The following G3BP1 variants were observed in gnomAD, a reference collection of about 807,000 sequenced individuals.
G3BP1 encodes the protein ras GTPase-activating protein-binding protein 1.
G3BP1 carries 35 observed loss-of-function variants against 58.6 expected under a neutral mutation model. The observed-to-expected ratio is 0.60, with a 90% CI of 0.46 to 0.79. The LOEUF is 0.79. Among genes scored for constraint, G3BP1 ranks in the 30% least tolerant of loss-of-function variants. The probability of loss-of-function intolerance (pLI) is 0.00; values close to 1 mark genes in which losing one functional copy is unlikely to be tolerated. For synonymous variants in G3BP1, 191 were observed against 195.4 expected, an observed-to-expected ratio of 0.98 and a Z score of 0.19; for missense variants, 523 against 580.8, an observed-to-expected ratio of 0.90 and a Z score of 1.02.
At chr5:151,787,837 CAATTCA>C in intron 2 of G3BP1, 1 of 78,522 alleles carries the variant, frequency 1.3e-5, no homozygotes, top group Non-Finnish European at 2.6e-5. Flanking sequence ...TGAATATTTT[CAATTCA>C]TAAAATAAAA....
At position 151,804,016 on chromosome 5, in the gene G3BP1, G is replaced by A. The variant is rs1316281058; in HGVS notation, c.1326G>A (p.Met442Ile). 12 of 1,613,540 alleles carry A rather than the reference G, an allele frequency of 7.4e-6. No homozygotes were observed. The South Asian group carries it at 1.3e-4, about 18-fold the overall frequency. Residue 442 changes from methionine to isoleucine, a missense_variant, in exon 12 of 12, where the codon ATG becomes ATA. Coordinates refer to ENST00000356245, the MANE Select transcript of G3BP1 (RefSeq NM_005754.3). ...GGPRGGLGGG[M>I]RGPPRGGMVQ... ...CTCGAGGTGGGCTGGGTGGTGGAATGAGAGGCCCTCCCCGTGGAGGCATGG... is the reference window on the plus strand; with the variant it reads ...CTCGAGGTGGGCTGGGTGGTGGAATAAGAGGCCCTCCCCGTGGAGGCATGG...
At position 151,805,407 on chromosome 5, in the gene G3BP1, T is replaced by C. The variant is rs1383626506; in HGVS notation, c.*1316T>C. On this transcript the variant is annotated 3_prime_UTR_variant, in exon 12 of 12. Transcript: ENST00000356245. ...CACATATGTGTTATTTGTTGAGTGC[T>C]GTGTGTGAGATGGGTGAAGGTTTTG... is the stretch of plus-strand genomic sequence containing the variant. The C allele has an allele frequency of 1.3e-5, 2 of 152,642 alleles. No homozygotes were observed. The highest frequency in any genetic ancestry group is 2.9e-5 in the Non-Finnish European group (2 of 68,040). 9.5% of individuals were successfully genotyped at this position (152,642 alleles called of 1,614,324 possible).
intron 4 of G3BP1, chr5:151,792,330 A>G (rs1762673534): frequency 4.1e-6 from 1 of 243,580 alleles, no homozygotes; most frequent in Non-Finnish European, 8.3e-6. Context: ...AAACGCCTAA[A>G]ATCTTTTAAC....
At chr5:151,783,377 C>CT (rs113829709) in intron 1 of G3BP1, among the ~76,000 whole-genome samples, 295 of 149,526 alleles carry the variant, frequency 2.0e-3, no homozygotes, top group Middle Eastern at 0.01. Context: ...CATTTTCTTT[C>CT]TTTTTTTTTG....
chr5:151,801,082 A>G (rs1188159450), intron 11 of G3BP1, among the ~76,000 whole-genome samples: 1 of 152,158 alleles, frequency 6.6e-6, no homozygotes, highest in African/African-American at 2.4e-5. Context: ...TTTTGAAAAC[A>G]TGAATTATGA....
At chr5:151,772,954 A>G (rs1762299531) in intron 1 of G3BP1, among the ~76,000 whole-genome samples, 1 of 152,224 alleles carries the variant, frequency 6.6e-6, no homozygotes, top group Non-Finnish European at 1.5e-5. Context: ...TGACAAAGGA[A>G]AAGGGTTTGG....
At chr5:151,777,911 A>G (rs1009597785) in intron 1 of G3BP1, among the ~76,000 whole-genome samples, 24 of 147,892 alleles carry the variant, frequency 1.6e-4, no homozygotes, top group Middle Eastern at 3.4e-3. Flanking sequence ...ATTTTTTTGT[A>G]AATACATTAT....
chr5:151,811,355 A>G lies in G3BP1; in HGVS notation c.*7264A>G, dbSNP rs1001406282. 6.6e-6 allele frequency: 1 copy of G among 152,216 alleles called. No homozygotes were observed. The highest frequency in any genetic ancestry group is 2.4e-5 in the African/African-American group (1 of 41,452). 9.4% of individuals were successfully genotyped at this position (152,216 alleles called of 1,614,324 possible). A position where few individuals can be genotyped will look rare whatever the true frequency, so the allele number is the denominator to read the frequency against. On this transcript the variant is annotated 3_prime_UTR_variant, in exon 12 of 12. Transcript: ENST00000356245. Reference sequence around the variant, plus strand: ...TCAATAAATACTTCTTGAATGAACAAATGAATTCTCATTTCTCGACATAAA... The same window carrying G: ...TCAATAAATACTTCTTGAATGAACAGATGAATTCTCATTTCTCGACATAAA...
In G3BP1 at chr5:151,808,626, C is replaced by T. The variant is rs1425429829; in HGVS notation, c.*4535C>T. 2.0e-5 allele frequency: 3 copies of T among 152,190 alleles called. No homozygotes were observed. Among genetic ancestry groups the T allele is most frequent in the Non-Finnish European group, 4.4e-5 (3 of 68,038 alleles). The allele number at this position is 152,190 out of a possible 1,614,324, so 9.4% of individuals were successfully genotyped here. A position where few individuals can be genotyped will look rare whatever the true frequency, so the allele number is the denominator to read the frequency against. ...ATAAATCATGTGACTTGGCCAATTA[C>T]AGAAATTCCTAAGTGTAGTATTTTG... On this transcript the variant is annotated 3_prime_UTR_variant, in exon 12 of 12. Transcript: ENST00000356245.
rs78692209 is a variant in G3BP1 at position 151,796,626 on chromosome 5, A to G, written c.540-601A>G. Among the ~76,000 whole-genome samples, 1,244 of 152,326 alleles carry G rather than the reference A, an allele frequency of 8.2e-3. 19 individuals are homozygous for G. The highest frequency in any genetic ancestry group is 0.028 in the African/African-American group (1,172 of 41,574). ...AATTTTAAGAATTGTATTCTGAATCATAACTATTTTCTCCCCCAAATTCCT... is the reference window on the plus strand; with the variant it reads ...AATTTTAAGAATTGTATTCTGAATCGTAACTATTTTCTCCCCCAAATTCCT... On this transcript the variant is annotated intron_variant, in intron 6 of 11. Transcript: ENST00000356245.
At chr5:151,790,553 ATATAT>A in intron 3 of G3BP1, 149 bp downstream of exon 3, 1 of 504,958 alleles carries the variant, frequency 2.0e-6, no homozygotes, top group Non-Finnish European at 3.5e-6. Context: ...TATTTGATTA[ATATAT>A]TTGTTGAAAT....
intron 1 of G3BP1, among the ~76,000 whole-genome samples, chr5:151,786,056 G>A (rs1368655792): frequency 1.3e-5 from 2 of 152,244 alleles, no homozygotes; most frequent in East Asian, 3.8e-4. Flanking sequence ...CACTTTGGGA[G>A]GCTGAGGCGG....
chr5:151,783,239 A>C (rs912417789), intron 1 of G3BP1, among the ~76,000 whole-genome samples: 2 of 152,158 alleles, frequency 1.3e-5, no homozygotes, highest in African/African-American at 2.4e-5. Flanking sequence ...ATTCTTTCTC[A>C]AGAGGTATTA....
At chr5:151,786,785 C>T in intron 2 of G3BP1, 70 bp downstream of exon 2, 1 of 912,562 alleles carries the variant, frequency 1.1e-6, no homozygotes. Flanking sequence ...TGAGATTCTC[C>T]CACTCATCAT....
rs762726196 is a variant in G3BP1, at chr5:151,800,856, T to C, written c.1181T>C (p.Val394Ala). The C allele has an allele frequency of 6.3e-7, 1 of 1,578,826 alleles. No individual in the cohort carries two copies. Residue 394 changes from valine (V) to alanine (A), a missense_variant, in exon 11 of 12, where the codon GTC (valine) becomes GCC (alanine). Val to Ala is a moderately conservative substitution (Grantham distance 64, BLOSUM62 0). Coordinates refer to ENST00000356245, the MANE Select transcript of G3BP1 (RefSeq NM_005754.3). ...VFDDSEPVQK[V>A]LSNRPIMFRG... ...GATGATTCTGAGCCTGTTCAGAAAG[T>C]CCTTAGCAACAGGGTAAGCAGCTTT... is the stretch of plus-strand genomic sequence containing the variant.
chr5:151,788,572 A>ATGTG (rs10634385), intron 2 of G3BP1, among the ~76,000 whole-genome samples: 33,436 of 132,458 alleles, frequency 0.25, 4,551 homozygotes, highest in Admixed American at 0.31. Flanking sequence ...CTAAGTTTAT[A>ATGTG]TGTGTGTGTG....
intron 7 of G3BP1, among the ~76,000 whole-genome samples, chr5:151,798,249 C>T (rs1035065426): frequency 3.9e-5 from 6 of 152,108 alleles, no homozygotes; most frequent in African/African-American, 9.7e-5. Flanking sequence ...GCTTGGGAGG[C>T]TGAGGTAGGA....
rs1762950528 is a variant in G3BP1 at position 151,807,296 on chromosome 5, C to T, written c.*3205C>T. Reference sequence around the variant, plus strand: ...ACAGTTAAATGACAGGCTTCCAAGTCATCCATGTAGCAAGGAGCACATTTG... The same window carrying T: ...ACAGTTAAATGACAGGCTTCCAAGTTATCCATGTAGCAAGGAGCACATTTG... On this transcript the variant is annotated 3_prime_UTR_variant, in exon 12 of 12. Transcript: ENST00000356245. 6.6e-6 allele frequency: 1 copy of T among 152,192 alleles called. No individual in the cohort carries two copies. Among genetic ancestry groups the T allele is most frequent in the Non-Finnish European group, 1.5e-5 (1 of 68,036 alleles). The allele number at this position is 152,192 out of a possible 1,614,324, so 9.4% of individuals were successfully genotyped here.
chr5:151,795,606 T>C, intron 6 of G3BP1, 31 bp downstream of exon 6: 1 of 1,099,352 alleles, frequency 9.1e-7, no homozygotes, highest in South Asian at 1.3e-5. Context: ...TGTCCGGGGC[T>C]GCATAAGAAC....
Sources: gnomAD v4.1 joint callset for allele counts (sites outside exome capture counted in the v4.1 genomes callset) on GRCh38, gnomAD v4.1.1 for gene constraint, MANE v1.5 for transcripts, NCBI Gene and HGNC (gene_info 2026-07-23, HGNC 2026-07-21) for gene names.